NALF1: variants seen among roughly 807,000 people sequenced by gnomAD.
The protein encoded by NALF1 is family with sequence similarity 155 member A.
A neutral mutation model predicts 48.4 loss-of-function variants in NALF1; 3 were observed. The observed-to-expected ratio is 0.06, with a 90% confidence interval of 0.03 to 0.16. NALF1 has a LOEUF of 0.16. NALF1 is among the 10% of genes least tolerant of loss of function. The pLI, the probability that NALF1 is intolerant of heterozygous loss-of-function variation, is 1.00. For missense variants in NALF1, 526 were observed against 571.5 expected (o/e 0.92, Z 0.81); for synonymous variants, 262 against 245.7 (o/e 1.07, Z -0.62).
At chr13:107,470,131 C>CA (rs927978547) in intron 1 of NALF1, among the ~76,000 whole-genome samples, 9 of 151,978 alleles carry the variant, frequency 5.9e-5, no homozygotes, top group Non-Finnish European at 1.2e-4. Context: ...CAGTAATTGT[C>CA]AAAAAAATTT....
At chr13:107,740,764 T>C (rs1408440310) in intron 1 of NALF1, among the ~76,000 whole-genome samples, 2 of 152,214 alleles carry the variant, frequency 1.3e-5, no homozygotes, top group African/African-American at 2.4e-5. Flanking sequence ...GTTTGCCAAA[T>C]TGGTGGACTA....
intron 1 of NALF1, among the ~76,000 whole-genome samples, chr13:107,417,086 A>G (rs778425111): frequency 1.9e-4 from 29 of 152,110 alleles, no homozygotes; most frequent in Non-Finnish European, 3.8e-4. Flanking sequence ...CTCCTTCTTC[A>G]CTCAGTTTCT....
chr13:107,510,749 G>T (rs569898609), intron 1 of NALF1, among the ~76,000 whole-genome samples: 3 of 152,028 alleles, frequency 2.0e-5, no homozygotes, highest in Admixed American at 1.3e-4. Context: ...TGACCATGAT[G>T]GACCACGAGC....
At chr13:107,557,450 G>A (rs1877513476) in intron 1 of NALF1, among the ~76,000 whole-genome samples, 1 of 152,038 alleles carries the variant, frequency 6.6e-6, no homozygotes, top group Non-Finnish European at 1.5e-5. Context: ...GCTCTTTGCT[G>A]ACAGAGCCAG....
chr13:107,314,085 A>G (rs1882097524), intron 1 of NALF1, among the ~76,000 whole-genome samples: 1 of 152,144 alleles, frequency 6.6e-6, no homozygotes, highest in South Asian at 2.1e-4. Flanking sequence ...AAATTAGAAC[A>G]AGGAAACCAA....
At chr13:107,431,591 C>T (rs1884382513) in intron 1 of NALF1, among the ~76,000 whole-genome samples, 1 of 152,190 alleles carries the variant, frequency 6.6e-6, no homozygotes, top group African/African-American at 2.4e-5. Flanking sequence ...AGTGCCATCA[C>T]CAGTTAGCTA....
chr13:107,727,657 A>G (rs1594231120), intron 1 of NALF1, among the ~76,000 whole-genome samples: 1 of 152,230 alleles, frequency 6.6e-6, no homozygotes, highest in Non-Finnish European at 1.5e-5. Context: ...AGCAATTGCA[A>G]CAAAAGCCAA....
At chr13:107,427,278 C>T (rs537802247) in intron 1 of NALF1, among the ~76,000 whole-genome samples, 2 of 151,834 alleles carry the variant, frequency 1.3e-5, no homozygotes, top group African/African-American at 2.4e-5. Flanking sequence ...TTAGAATAAT[C>T]CTGGCTCTAA....
intron 1 of NALF1, among the ~76,000 whole-genome samples, chr13:107,321,249 G>C (rs1395482234): frequency 2.0e-5 from 3 of 152,054 alleles, no homozygotes; most frequent in Non-Finnish European, 2.9e-5. Context: ...GAGTTTCCAA[G>C]ATAAATTAAT....
chr13:107,332,495 T>C (rs1029518886), intron 1 of NALF1, among the ~76,000 whole-genome samples: 1 of 152,192 alleles, frequency 6.6e-6, no homozygotes, highest in Non-Finnish European at 1.5e-5. Context: ...CCTGGGTCAG[T>C]GGAATACAGA....
intron 2 of NALF1, among the ~76,000 whole-genome samples, chr13:107,186,635 G>A (rs1435526618): frequency 2.0e-5 from 3 of 152,082 alleles, no homozygotes; most frequent in Non-Finnish European, 4.4e-5. Context: ...CAAAGTATTG[G>A]GATTATAGGT....
intron 1 of NALF1, among the ~76,000 whole-genome samples, chr13:107,522,304 T>G (rs1315349100): frequency 2.6e-5 from 4 of 152,180 alleles, no homozygotes; most frequent in African/African-American, 9.6e-5. Context: ...TTTAATTTCT[T>G]GGACCCTTTC....
intron 1 of NALF1, among the ~76,000 whole-genome samples, chr13:107,663,108 T>C (rs944295994): frequency 6.6e-5 from 10 of 152,290 alleles, no homozygotes; most frequent in South Asian, 2.1e-4. Context: ...CATTGAAAAA[T>C]TGATTATGTT....
chr13:107,362,372 G>T lies in NALF1; in HGVS notation c.916-151617C>A, dbSNP rs1409356380. Among the ~76,000 whole-genome samples, 2 of 152,184 alleles carry T rather than the reference G, an allele frequency of 1.3e-5. No homozygotes were observed. Among genetic ancestry groups the T allele is most frequent in the African/African-American group, 4.8e-5 (2 of 41,444 alleles). ...AGGAGAACAGTCTGAAATCAAGGTG[G>T]TGTCAGGACCATGCTTCCTCTGAAA... On this transcript the variant is annotated intron_variant, in intron 1 of 2. Transcript: ENST00000375915. The surrounding 1 kb of genome is among the most constrained non-coding windows in gnomAD (Gnocchi z 4.6).
At chr13:107,304,589 C>G (rs1478078754) in intron 1 of NALF1, among the ~76,000 whole-genome samples, 1 of 152,122 alleles carries the variant, frequency 6.6e-6, no homozygotes, top group Non-Finnish European at 1.5e-5. Flanking sequence ...GATCCAAGAC[C>G]AGAAATTGTA....
At chr13:107,485,576 G>A (rs974061895) in intron 1 of NALF1, among the ~76,000 whole-genome samples, 6 of 152,118 alleles carry the variant, frequency 3.9e-5, no homozygotes, top group Non-Finnish European at 7.4e-5. Flanking sequence ...GTTGGGAACT[G>A]AACTGCTTGG....
rs1021205157 is a variant in NALF1 at position 107,669,773 on chromosome 13, T to C, written c.915+195909A>G. 5.9e-5 allele frequency among the ~76,000 whole-genome samples: 9 copies of C among 152,082 alleles called. No individual in the cohort carries two copies. In the South Asian group the frequency reaches 1.2e-3, roughly 21 times the overall value. ...GGCTCTTTTCTGAAGAAAAGCTAAG[T>C]GCGAGGGCTTTGGAAGACACTGCAA... On this transcript the variant is annotated intron_variant, in intron 1 of 2. Coordinates refer to ENST00000375915, the MANE Select transcript of NALF1 (RefSeq NM_001080396.3).
intron 1 of NALF1, among the ~76,000 whole-genome samples, chr13:107,214,244 C>T (rs999966074): frequency 3.9e-5 from 6 of 151,996 alleles, no homozygotes; most frequent in Non-Finnish European, 5.9e-5. Flanking sequence ...GTGGTGGCAC[C>T]GGGCTAGAAG....
At chr13:107,569,219 C>G (rs1877906164) in intron 1 of NALF1, among the ~76,000 whole-genome samples, 1 of 152,080 alleles carries the variant, frequency 6.6e-6, no homozygotes, top group South Asian at 2.1e-4. Context: ...CCTGAAATCC[C>G]AGCACTTTGG....
Sources: allele counts gnomAD v4.1 joint callset (sites outside exome capture counted in the v4.1 genomes callset), GRCh38; gene constraint gnomAD v4.1.1; non-coding constraint Gnocchi (gnomAD v3.1); transcripts MANE v1.5; gene names NCBI Gene and HGNC (gene_info 2026-07-23, HGNC 2026-07-21).